Variants in LUZP1 observed in about 807,000 individuals in gnomAD.
LUZP1 encodes the protein leucine zipper protein 1.
A neutral mutation model predicts 71.3 loss-of-function variants in LUZP1; 25 were observed. The ratio of observed to expected loss-of-function variants is 0.35; its 90% CI spans 0.26 to 0.49. The LOEUF (loss-of-function observed/expected upper bound fraction) is 0.49, where lower values mean the gene tolerates loss of function less well. LUZP1 is among the 20% of genes least tolerant of loss of function. The probability of loss-of-function intolerance (pLI) is 0.99; values close to 1 mark genes in which losing one functional copy is unlikely to be tolerated. For missense variants in LUZP1, 1,142 were observed against 1,300.8 expected, an observed-to-expected ratio of 0.88 and a Z score of 1.88; for synonymous variants, 481 against 506.4, an observed-to-expected ratio of 0.95 and a Z score of 0.67.
intron 2 of LUZP1, among the ~76,000 whole-genome samples, chr1:23,160,192 C>T (rs563332290): frequency 3.2e-4 from 48 of 152,248 alleles, no homozygotes; most frequent in African/African-American, 9.9e-4. Context: ...TTTAAATTGG[C>T]TTATAGAACA....
intron 2 of LUZP1, among the ~76,000 whole-genome samples, chr1:23,113,439 C>G (rs1644050571): frequency 6.6e-6 from 1 of 151,768 alleles, no homozygotes; most frequent in Admixed American, 6.6e-5. Context: ...AACAAACAAA[C>G]AAAAAACACC....
intron 2 of LUZP1, among the ~76,000 whole-genome samples, chr1:23,148,005 AAT>A (rs1644356667): frequency 6.6e-6 from 1 of 152,224 alleles, no homozygotes; most frequent in Non-Finnish European, 1.5e-5. Flanking sequence ...CTTATCTCTT[AAT>A]ATAAACTGCC....
exon 5 of LUZP1, chr1:23,084,489 T>A (rs1643728747): frequency 6.6e-6 from 1 of 152,162 alleles, no homozygotes; most frequent in Non-Finnish European, 1.5e-5. Context: ...ATCTAGGATG[T>A]TCTGCCTCAT....
intron 2 of LUZP1, among the ~76,000 whole-genome samples, chr1:23,156,367 G>A (rs568863556): frequency 6.6e-5 from 10 of 152,216 alleles, no homozygotes; most frequent in East Asian, 5.8e-4. Flanking sequence ...GCAACAGAGC[G>A]AGACTGTCTC....
intron 2 of LUZP1, chr1:23,140,493 T>A (rs1644293662): frequency 6.6e-6 from 1 of 152,154 alleles, no homozygotes; most frequent in Non-Finnish European, 1.5e-5. Context: ...AATGCCATCT[T>A]CAACTACCAC....
intron 2 of LUZP1, among the ~76,000 whole-genome samples, chr1:23,144,756 C>T (rs1644329510): frequency 6.6e-6 from 1 of 152,144 alleles, no homozygotes; most frequent in Admixed American, 6.6e-5. Context: ...TTCCAAATAC[C>T]ACAGGTTAGT....
chr1:23,090,177 C>T (rs1030445495), intron 4 of LUZP1, among the ~76,000 whole-genome samples: 4 of 152,146 alleles, frequency 2.6e-5, no homozygotes, highest in Non-Finnish European at 2.9e-5. Flanking sequence ...AGACAGGAAT[C>T]TTGGATTCAA....
chr1:23,120,275 C>A (rs1418119347), intron 2 of LUZP1, among the ~76,000 whole-genome samples: 1 of 151,990 alleles, frequency 6.6e-6, no homozygotes, highest in African/African-American at 2.4e-5. Flanking sequence ...CCAGAATCAT[C>A]TGAAATTCAG....
chr1:23,159,101 G>A (rs1018780884), intron 2 of LUZP1, among the ~76,000 whole-genome samples: 1 of 152,092 alleles, frequency 6.6e-6, no homozygotes, highest in African/African-American at 2.4e-5. Flanking sequence ...AGCACTTTGG[G>A]AGGCTGAGGA....
intron 2 of LUZP1, among the ~76,000 whole-genome samples, chr1:23,152,543 A>AT (rs1022347095): frequency 1.3e-4 from 19 of 151,930 alleles, no homozygotes; most frequent in Non-Finnish European, 2.6e-4. Flanking sequence ...TTCTTTCTTT[A>AT]TTTTTTTGAG....
chr1:23,117,463 C>CTT (rs1644089743), intron 2 of LUZP1, among the ~76,000 whole-genome samples: 1 of 44,026 alleles, frequency 2.3e-5, no homozygotes, highest in African/African-American at 1.3e-4. Flanking sequence ...TCCTCTCTCT[C>CTT]TCTCTCTCTC....
chr1:23,149,835 G>A (rs1046817037), intron 2 of LUZP1, among the ~76,000 whole-genome samples: 2 of 151,746 alleles, frequency 1.3e-5, no homozygotes, highest in African/African-American at 2.4e-5. Flanking sequence ...GGTGGCACGC[G>A]CCTGTAATCC....
intron 3 of LUZP1, among the ~76,000 whole-genome samples, chr1:23,101,465 G>A (rs753462996): frequency 3.3e-5 from 5 of 152,112 alleles, no homozygotes; most frequent in Non-Finnish European, 7.4e-5. Context: ...ATACCATACT[G>A]TTTGGCCAAG....
chr1:23,084,581 C>CCTGA (rs773007771), exon 5 of LUZP1: 35 of 152,230 alleles, frequency 2.3e-4, no homozygotes, highest in African/African-American at 6.0e-4. Context: ...CCCAGGGGCT[C>CCTGA]CTGACTGACT....
intron 2 of LUZP1, among the ~76,000 whole-genome samples, chr1:23,116,338 T>C (rs1304226624): frequency 6.6e-6 from 1 of 152,164 alleles, no homozygotes; most frequent in Non-Finnish European, 1.5e-5. Flanking sequence ...GGAGCCACTA[T>C]ACTCCAGCCT....
intron 2 of LUZP1, among the ~76,000 whole-genome samples, chr1:23,137,130 C>T (rs1050125485): frequency 1.3e-5 from 2 of 152,022 alleles, no homozygotes; most frequent in Non-Finnish European, 2.9e-5. Flanking sequence ...ATAAAAAAAC[C>T]CACATAGAAA....
chr1:23,113,749 G>T (rs534222828), intron 2 of LUZP1, among the ~76,000 whole-genome samples: 1 of 150,790 alleles, frequency 6.6e-6, no homozygotes, highest in Admixed American at 6.6e-5. Context: ...GTGTTGTGGC[G>T]CGCGCCTGTA....
Position 23,091,348 on chromosome 1 carries a change from CA to C in LUZP1, c.2913del (p.Phe971LeufsTer8), listed in dbSNP as rs1643849654. The C allele has an allele frequency of 6.2e-7, 1 of 1,614,000 alleles. No homozygotes were observed. The highest frequency in any genetic ancestry group is 8.5e-7 in the Non-Finnish European group (1 of 1,180,014). ...GGTCCTACCCTTCGAGTGCCCTGCTCAAAAAGGCAGGACCTGGGCTGTTCGA... is the reference window on the plus strand; with the variant it reads ...GGTCCTACCCTTCGAGTGCCCTGCTCAAAAGGCAGGACCTGGGCTGTTCGA... On this transcript the variant is annotated frameshift_variant, in exon 4 of 5. Transcript: ENST00000302291. LOFTEE classifies it high-confidence loss of function.
chr1:23,090,897 C>T lies in LUZP1; in HGVS notation c.3072+293G>A, dbSNP rs547689034. The T allele has an allele frequency of 5.4e-5, 39 of 718,092 alleles. 1 individual carries two copies. In the South Asian group the frequency reaches 5.6e-4, roughly 10 times the overall value. 44.5% of individuals were successfully genotyped at this position (718,092 alleles called of 1,614,324 possible). On this transcript the variant is annotated intron_variant, in intron 4 of 4. Coordinates refer to ENST00000302291, the Ensembl canonical transcript of LUZP1. The stretch of plus-strand genomic sequence containing the variant: ...GGCCTACGGGGAGCTCCTTTAGCTG[C>T]TCTGGCAAACCAAGGGAAGAGAAGA...
Sources: gnomAD v4.1 joint callset for allele counts (sites outside exome capture counted in the v4.1 genomes callset) on GRCh38, gnomAD v4.1.1 for gene constraint, MANE v1.5 for transcripts, NCBI Gene and HGNC (gene_info 2026-07-23, HGNC 2026-07-21) for gene names.